The following PPP2R2C variants were observed in gnomAD, a reference collection of about 807,000 sequenced individuals.
PPP2R2C encodes the protein protein phosphatase 2 regulatory subunit Bgamma.
Under a neutral mutation model 45.3 loss-of-function variants are expected in PPP2R2C, and 10 were observed. That is an observed-to-expected ratio of 0.22 (90% CI 0.14 to 0.37). The LOEUF (loss-of-function observed/expected upper bound fraction) is 0.37, where lower values mean the gene tolerates loss of function less well. Among genes scored for constraint, PPP2R2C ranks in the 10% least tolerant of loss-of-function variants. PPP2R2C has a pLI of 1.00. For synonymous variants in PPP2R2C, 257 were observed against 245.4 expected (o/e 1.05, Z -0.44); for missense variants, 308 against 619.7 (o/e 0.50, Z 5.34).
intron 5 of PPP2R2C, among the ~76,000 whole-genome samples, chr4:6,354,166 C>T (rs1712917460): frequency 6.6e-6 from 1 of 151,358 alleles, no homozygotes; most frequent in Admixed American, 6.6e-5. Context: ...CCAAGCTCAG[C>T]TAGAGTGAAC....
At chr4:6,405,995 C>T (rs1160239649) in intron 1 of PPP2R2C, among the ~76,000 whole-genome samples, 2 of 152,160 alleles carry the variant, frequency 1.3e-5, no homozygotes, top group Non-Finnish European at 2.9e-5. Context: ...TCATTAATAA[C>T]AGAGGTATAG....
chr4:6,341,195 C>G lies in PPP2R2C; in HGVS notation c.790+6651G>C, dbSNP rs1321628970. Among the ~76,000 whole-genome samples the G allele has an allele frequency of 2.6e-5, 4 of 152,094 alleles. No individual in the cohort carries two copies. In the East Asian group the frequency reaches 5.8e-4, roughly 22 times the overall value. On this transcript the variant is annotated intron_variant, in intron 6 of 8. Coordinates refer to ENST00000382599, the MANE Select transcript of PPP2R2C (RefSeq NM_020416.4). The stretch of plus-strand genomic sequence containing the variant: ...TGTCTCTACTAAAAATACAAAAAGT[C>G]GGGTGTGGTGGCCGGCACCTGCAAT...
intron 2 of PPP2R2C, among the ~76,000 whole-genome samples, chr4:6,512,873 C>A (rs1199129132): frequency 6.6e-6 from 1 of 151,928 alleles, no homozygotes; most frequent in East Asian, 1.9e-4. Context: ...AGTTCAAAAG[C>A]AAATGGTTCA....
intron 2 of PPP2R2C, among the ~76,000 whole-genome samples, chr4:6,512,410 G>A (rs1244797286): frequency 4.4e-4 from 49 of 112,590 alleles, no homozygotes; most frequent in African/African-American, 1.4e-3. Flanking sequence ...GGTGATGGTG[G>A]TGGTGGTGAT....
chr4:6,464,324 C>T (rs1283338104), intron 1 of PPP2R2C, among the ~76,000 whole-genome samples: 1 of 152,158 alleles, frequency 6.6e-6, no homozygotes, highest in Non-Finnish European at 1.5e-5. Flanking sequence ...TTTGCAAGGC[C>T]CTGTGTAACT....
At chr4:6,525,483 C>T (rs907545344) in intron 2 of PPP2R2C, among the ~76,000 whole-genome samples, 6 of 148,532 alleles carry the variant, frequency 4.0e-5, no homozygotes, top group Middle Eastern at 3.5e-3. Context: ...CTTGGCCAAA[C>T]GGACTCCAGA....
At chr4:6,411,848 G>A (rs568969649) in intron 1 of PPP2R2C, among the ~76,000 whole-genome samples, 29 of 152,324 alleles carry the variant, frequency 1.9e-4, no homozygotes, top group African/African-American at 5.8e-4. Context: ...CACCGCGCCC[G>A]GCCTCCACCC....
At chr4:6,490,536 C>T (rs905755556) in intron 2 of PPP2R2C, among the ~76,000 whole-genome samples, 2 of 152,172 alleles carry the variant, frequency 1.3e-5, no homozygotes, top group Non-Finnish European at 2.9e-5. Flanking sequence ...GCCTTGAGGG[C>T]TCCAGGAAGC....
intron 6 of PPP2R2C, among the ~76,000 whole-genome samples, chr4:6,340,852 C>A (rs1246379463): frequency 6.6e-6 from 1 of 152,262 alleles, no homozygotes; most frequent in African/African-American, 2.4e-5. Context: ...AGCCACACAC[C>A]TCTCTGACCT....
intron 5 of PPP2R2C, among the ~76,000 whole-genome samples, chr4:6,359,638 AG>A (rs1713549987): frequency 1.3e-5 from 2 of 150,682 alleles, no homozygotes; most frequent in South Asian, 4.4e-4. Flanking sequence ...AAAAAAAAAA[AG>A]AAACTCCTTC....
At chr4:6,348,801 T>C (rs977335545) in intron 5 of PPP2R2C, 3 of 753,978 alleles carry the variant, frequency 4.0e-6, no homozygotes, top group South Asian at 6.0e-5. Flanking sequence ...GGTGATGCCA[T>C]TGGAATCCTG....
rs562226532 is a variant in PPP2R2C, at chr4:6,354,193, G to C, written c.626-6183C>G. On this transcript the variant is annotated intron_variant, in intron 5 of 8. Transcript: ENST00000382599. ...AGAGTGAACTTCCTCAAACAGCTGC[G>C]GGACTCCCCACCACCCTGCGTGTTG... 8.6e-5 allele frequency among the ~76,000 whole-genome samples: 13 copies of C among 151,634 alleles called. 1 individual carries two copies. The South Asian group carries it at 2.5e-3, about 29-fold the overall frequency.
At chr4:6,382,258 T>C in intron 1 of PPP2R2C, 1 of 1,233,648 alleles carries the variant, frequency 8.1e-7, no homozygotes, top group Non-Finnish European at 1.0e-6. Flanking sequence ...CTGCTGTGAA[T>C]GGGACCTCTG....
intron 2 of PPP2R2C, among the ~76,000 whole-genome samples, chr4:6,529,118 G>C (rs990219840): frequency 6.6e-6 from 1 of 152,244 alleles, no homozygotes; most frequent in African/African-American, 2.4e-5. Context: ...CAGGGACAGG[G>C]AAGGGGGCAG....
chr4:6,376,041 G>T, intron 3 of PPP2R2C, 110 bp from the exon 4 acceptor site: 1 of 896,382 alleles, frequency 1.1e-6, no homozygotes, highest in Non-Finnish European at 1.7e-6. Context: ...GAAGGAGGGG[G>T]TTCTGCCAAC....
chr4:6,374,492 G>A (rs1041583705), intron 4 of PPP2R2C, among the ~76,000 whole-genome samples: 9 of 152,278 alleles, frequency 5.9e-5, no homozygotes, highest in South Asian at 4.1e-4. Context: ...AGACAGTGTC[G>A]GATCCAAAAG....
Position 6,323,367 on chromosome 4 carries a change from T to C in PPP2R2C, c.1279A>G (p.Ile427Val). ...HTAWHPAENI[I>V]AIAATNNLYI... ...AGGTTGTTGGTGGCGGCGATGGCAATGATGTTCTCAGCCGGGTGCCAGGCC... is the reference window on the plus strand; with the variant it reads ...AGGTTGTTGGTGGCGGCGATGGCAACGATGTTCTCAGCCGGGTGCCAGGCC... The change falls in exon 9 of 9, where the codon ATT becomes GTT. Residue 427 changes from isoleucine (I) to valine (V), a missense_variant. Transcript: ENST00000382599. 6.2e-7 allele frequency: 1 copy of C among 1,613,844 alleles called. No homozygotes were observed.
chr4:6,414,103 T>C lies in PPP2R2C; in HGVS notation c.71-33009A>G, dbSNP rs1718397328. On this transcript the variant is annotated intron_variant, in intron 1 of 8. Transcript: ENST00000382599. ...GTGTGTGTGTGTGTGTGTGTGTGTG[T>C]GTGTGTGTGTGTGTGTGTGTACAGG... 3.0e-6 allele frequency: 4 copies of C among 1,317,806 alleles called. No homozygotes were observed. The South Asian group carries it at 6.4e-5, about 21-fold the overall frequency. The allele number at this position is 1,317,806 out of a possible 1,614,324, so 81.6% of individuals were successfully genotyped here. A position where few individuals can be genotyped will look rare whatever the true frequency, so the allele number is the denominator to read the frequency against.
At chr4:6,441,034 G>A (rs978834665) in intron 1 of PPP2R2C, among the ~76,000 whole-genome samples, 2 of 152,112 alleles carry the variant, frequency 1.3e-5, no homozygotes, top group African/African-American at 2.4e-5. Context: ...GGGAGCTGGG[G>A]TATTTATACC....
Sources: gnomAD v4.1 joint callset for allele counts (sites outside exome capture counted in the v4.1 genomes callset) on GRCh38, gnomAD v4.1.1 for gene constraint, MANE v1.5 for transcripts, NCBI Gene and HGNC (gene_info 2026-07-23, HGNC 2026-07-21) for gene names.